The following SPIDR variants were observed in gnomAD, a reference collection of about 807,000 sequenced individuals.
The protein encoded by SPIDR is scaffold protein involved in DNA repair, also known as DNA repair-scaffolding protein.
In SPIDR, 93 loss-of-function variants were observed where a neutral mutation model predicts 104.6. The observed-to-expected ratio is 0.89, with a 90% CI of 0.75 to 1.06. The LOEUF is 1.06. Among genes scored for constraint, SPIDR ranks in the 50% least tolerant of loss-of-function variants. The pLI is 0.00. For synonymous variants in SPIDR, 431 were observed against 416.9 expected, an observed-to-expected ratio of 1.03 and a Z score of -0.41; for missense variants, 1,154 against 1,111.2, an observed-to-expected ratio of 1.04 and a Z score of -0.55.
intron 16 of SPIDR, among the ~76,000 whole-genome samples, chr8:47,719,594 C>T (rs968860979): frequency 6.6e-6 from 1 of 152,120 alleles, no homozygotes; most frequent in African/African-American, 2.4e-5. Context: ...TGGGAATTTG[C>T]CTTCTCCAAG....
At position 47,370,123 on chromosome 8, in the gene SPIDR, GC is replaced by G. The variant is rs1563765082; in HGVS notation, c.526-26252del. Among the ~76,000 whole-genome samples, 10 of 152,202 alleles carry G rather than the reference GC, an allele frequency of 6.6e-5. No individual in the cohort carries two copies. The South Asian group carries it at 2.1e-3, about 32-fold the overall frequency. On this transcript the variant is annotated intron_variant, in intron 5 of 19. Coordinates refer to ENST00000297423, the MANE Select transcript of SPIDR (RefSeq NM_001080394.4). ...GTCTTGTAGGCACAACGATAGGTCA[GC>G]AGTAATTAACCTATGAAGTGAGTGG...
chr8:47,261,683 G>C (rs1380619426), intron 1 of SPIDR, among the ~76,000 whole-genome samples: 1 of 152,132 alleles, frequency 6.6e-6, no homozygotes, highest in African/African-American at 2.4e-5. Flanking sequence ...CTCCTTTCTT[G>C]ACTCTTGCCT....
chr8:47,276,926 CT>C (rs1317195396), intron 1 of SPIDR: 6,785 of 129,420 alleles, frequency 0.052, 352 homozygotes, highest in African/African-American at 0.15. Flanking sequence ...CTTCCTCAGC[CT>C]TTTTTTTTTT....
intron 5 of SPIDR, among the ~76,000 whole-genome samples, chr8:47,333,439 T>C (rs1335027553): frequency 6.6e-6 from 1 of 151,962 alleles, no homozygotes; most frequent in Non-Finnish European, 1.5e-5. Flanking sequence ...GTAGCTGGGA[T>C]TACAGGCATG....
At chr8:47,388,890 C>A (rs1554649842) in intron 5 of SPIDR, among the ~76,000 whole-genome samples, 1 of 152,162 alleles carries the variant, frequency 6.6e-6, no homozygotes, top group Non-Finnish European at 1.5e-5. Context: ...ATGGCTTCAA[C>A]CAAGGTCATG....
intron 5 of SPIDR, among the ~76,000 whole-genome samples, chr8:47,312,192 G>A (rs2044314195): frequency 2.0e-5 from 3 of 152,182 alleles, no homozygotes; most frequent in African/African-American, 4.8e-5. Context: ...GTGTGCGTGT[G>A]TCTTTATAGC....
intron 10 of SPIDR, among the ~76,000 whole-genome samples, chr8:47,606,978 A>AC (rs1289989762): frequency 6.6e-6 from 1 of 152,276 alleles, no homozygotes; most frequent in African/African-American, 2.4e-5. Context: ...AACACAGGGG[A>AC]CCATTTCACC....
At chr8:47,735,207 G>A in intron 19 of SPIDR, 100 bp from the exon 20 acceptor site, 1 of 1,152,490 alleles carries the variant, frequency 8.7e-7, no homozygotes, top group South Asian at 1.3e-5. Context: ...TCGTGGACTG[G>A]GGAAAGGGCC....
intron 1 of SPIDR, among the ~76,000 whole-genome samples, chr8:47,274,426 A>C (rs1429847760): frequency 6.6e-6 from 1 of 152,144 alleles, no homozygotes; most frequent in Non-Finnish European, 1.5e-5. Context: ...CTTCTCGTTG[A>C]GATACATTCT....
At chr8:47,290,401 T>C (rs1163574768) in intron 3 of SPIDR, among the ~76,000 whole-genome samples, 1 of 152,204 alleles carries the variant, frequency 6.6e-6, no homozygotes, top group African/African-American at 2.4e-5. Context: ...GGTGATAGAA[T>C]TGATCTGTAT....
chr8:47,550,979 GC>G (rs1301124663), intron 8 of SPIDR, among the ~76,000 whole-genome samples: 26 of 152,306 alleles, frequency 1.7e-4, no homozygotes, highest in African/African-American at 5.8e-4. Flanking sequence ...TTAGCATGAA[GC>G]GTTGTTGAAT....
chr8:47,592,349 T>A, intron 8 of SPIDR: 1 of 1,206,434 alleles, frequency 8.3e-7, no homozygotes, highest in Non-Finnish European at 1.2e-6. Context: ...TCGAAACATA[T>A]TCTTCCCAAC....
At chr8:47,451,149 G>A (rs2071645881) in intron 8 of SPIDR, among the ~76,000 whole-genome samples, 1 of 152,096 alleles carries the variant, frequency 6.6e-6, no homozygotes, top group African/African-American at 2.4e-5. Context: ...AGGAGTTAAA[G>A]GGAACCCATA....
intron 10 of SPIDR, among the ~76,000 whole-genome samples, chr8:47,624,630 A>T (rs1275493146): frequency 6.6e-6 from 1 of 152,198 alleles, no homozygotes; most frequent in Non-Finnish European, 1.5e-5. Context: ...TAAACTAGAA[A>T]ATCTAGAAGA....
chr8:47,584,180 C>A (rs1421810739), intron 8 of SPIDR, among the ~76,000 whole-genome samples: 3 of 152,118 alleles, frequency 2.0e-5, no homozygotes, highest in Non-Finnish European at 4.4e-5. Context: ...TCAGGCTTTT[C>A]ACATTATGCT....
chr8:47,703,110 C>T (rs921344747), intron 14 of SPIDR, among the ~76,000 whole-genome samples: 1 of 152,226 alleles, frequency 6.6e-6, no homozygotes, highest in Non-Finnish European at 1.5e-5. Flanking sequence ...TGCTAAAGCA[C>T]ACCCAGACCT....
intron 5 of SPIDR, among the ~76,000 whole-genome samples, chr8:47,319,695 G>A (rs985999183): frequency 2.6e-5 from 4 of 152,286 alleles, no homozygotes; most frequent in Non-Finnish European, 5.9e-5. Context: ...ATAGTTGGAA[G>A]TAAAGCACTC....
At chr8:47,283,136 G>A (rs1235710787) in intron 2 of SPIDR, among the ~76,000 whole-genome samples, 2 of 152,212 alleles carry the variant, frequency 1.3e-5, no homozygotes, top group Admixed American at 6.5e-5. Context: ...GATTACAGGC[G>A]TGAGCCACTG....
intron 8 of SPIDR, among the ~76,000 whole-genome samples, chr8:47,572,434 C>A (rs532753954): frequency 4.6e-5 from 7 of 151,954 alleles, no homozygotes; most frequent in Admixed American, 2.6e-4. Context: ...GAGTTCGAGG[C>A]GGGTGGATCA....
Sources: gnomAD v4.1 joint callset for allele counts (sites outside exome capture counted in the v4.1 genomes callset) on GRCh38, gnomAD v4.1.1 for gene constraint, MANE v1.5 for transcripts, NCBI Gene and HGNC (gene_info 2026-07-23, HGNC 2026-07-21) for gene names.